NEDD4L: variants seen among roughly 807,000 people sequenced by gnomAD.
NEDD4L encodes the protein NEDD4 like E3 ubiquitin protein ligase.
NEDD4L carries 54 observed loss-of-function variants against 148.9 expected under a neutral mutation model. That is an observed-to-expected ratio of 0.36 (90% CI 0.29 to 0.45). NEDD4L has a LOEUF of 0.45. Among genes scored for constraint, NEDD4L ranks in the 20% least tolerant of loss-of-function variants. The pLI is 1.00. For synonymous variants in NEDD4L, 433 were observed against 440.7 expected (o/e 0.98, Z 0.22); for missense variants, 856 against 1,233.8 (o/e 0.69, Z 4.59).
chr18:58,317,230 C>T (rs2058368181), intron 6 of NEDD4L, among the ~76,000 whole-genome samples: 1 of 152,200 alleles, frequency 6.6e-6, no homozygotes, highest in Non-Finnish European at 1.5e-5. Flanking sequence ...GGGGCCTGCC[C>T]AGGGCTTCTG....
At chr18:58,125,725 A>T (rs112512537) in intron 1 of NEDD4L, among the ~76,000 whole-genome samples, 2,610 of 152,350 alleles carry the variant, frequency 0.017, 30 homozygotes, top group African/African-American at 0.026. Flanking sequence ...AAAACAGGTG[A>T]AATGAATTTT....
At chr18:58,136,503 G>A (rs898408392) in intron 1 of NEDD4L, among the ~76,000 whole-genome samples, 1 of 152,196 alleles carries the variant, frequency 6.6e-6, no homozygotes, top group African/African-American at 2.4e-5. Context: ...GATATGCGGG[G>A]AACCTGATGC....
chr18:58,233,537 C>T (rs539524203), intron 2 of NEDD4L, among the ~76,000 whole-genome samples: 5 of 152,340 alleles, frequency 3.3e-5, no homozygotes, highest in South Asian at 2.1e-4. Flanking sequence ...CACTGGGTCC[C>T]TCCCACAACA....
In NEDD4L at chr18:58,127,632, G is replaced by T. The variant is rs1291306510; in HGVS notation, c.49-38156G>T. ...AGGCAGGCGGATCACGAGGTCAGGAGATTGAGACCATCCTGGCCTAACACA... is the reference window on the plus strand; with the variant it reads ...AGGCAGGCGGATCACGAGGTCAGGATATTGAGACCATCCTGGCCTAACACA... On this transcript the variant is annotated intron_variant, in intron 1 of 30. Coordinates refer to ENST00000400345, the MANE Select transcript of NEDD4L (RefSeq NM_001144967.3). 2.0e-4 allele frequency among the ~76,000 whole-genome samples: 30 copies of T among 152,120 alleles called. 1 individual carries two copies. The highest frequency in any genetic ancestry group is 5.9e-5 in the Non-Finnish European group (4 of 67,986).
intron 1 of NEDD4L, among the ~76,000 whole-genome samples, chr18:58,072,047 T>A (rs2082896346): frequency 6.6e-6 from 1 of 152,126 alleles, no homozygotes; most frequent in Non-Finnish European, 1.5e-5. Flanking sequence ...TTATACAAAT[T>A]CATGTAGATG....
intron 2 of NEDD4L, among the ~76,000 whole-genome samples, chr18:58,218,792 G>A (rs150745456): frequency 6.6e-6 from 1 of 152,146 alleles, no homozygotes; most frequent in Non-Finnish European, 1.5e-5. Flanking sequence ...GGATTATCCC[G>A]ATATGTGCAT....
intron 1 of NEDD4L, among the ~76,000 whole-genome samples, chr18:58,079,386 C>G (rs2083323741): frequency 6.6e-6 from 1 of 152,178 alleles, no homozygotes; most frequent in African/African-American, 2.4e-5. Context: ...CATACGCTTC[C>G]TCAGTAATTT....
chr18:58,058,072 C>T (rs1344630674), intron 1 of NEDD4L, among the ~76,000 whole-genome samples: 1 of 152,212 alleles, frequency 6.6e-6, no homozygotes, highest in East Asian at 1.9e-4. Context: ...CTTTGGGAGG[C>T]TGAGGCAGGT....
rs181619831 is a variant in NEDD4L at position 58,204,157 on chromosome 18, G to A, written c.122+38296G>A. Among the ~76,000 whole-genome samples the A allele has an allele frequency of 1.2e-4, 18 of 152,174 alleles. No homozygotes were observed. The East Asian group carries it at 2.3e-3, about 20-fold the overall frequency. On this transcript the variant is annotated intron_variant, in intron 2 of 30. Coordinates refer to ENST00000400345, the MANE Select transcript of NEDD4L (RefSeq NM_001144967.3). ...GCCTGGCCAACATGGTGAGACCCCCGTCTCTACTAAAAGTACAAAAATTAC... is the reference window on the plus strand; with the variant it reads ...GCCTGGCCAACATGGTGAGACCCCCATCTCTACTAAAAGTACAAAAATTAC...
In NEDD4L at chr18:58,165,880, T is replaced by C. The variant is rs903349968; in HGVS notation, c.122+19T>C. The C allele has an allele frequency of 1.3e-6, 2 of 1,586,152 alleles. No individual in the cohort carries two copies. Among genetic ancestry groups the C allele is most frequent in the African/African-American group, 2.7e-5 (2 of 74,522 alleles). On this transcript the variant is annotated intron_variant, in intron 2 of 30. Coordinates refer to ENST00000400345, the MANE Select transcript of NEDD4L (RefSeq NM_001144967.3). The stretch of plus-strand genomic sequence containing the variant: ...GAGCCAGGTATGTTGGCTTTGTTTT[T>C]ATTTCTGTGGACTTCTGAAAAATTG...
chr18:58,165,137 C>T (rs76888487), intron 1 of NEDD4L, among the ~76,000 whole-genome samples: 15,711 of 152,074 alleles, frequency 0.1, 1,019 homozygotes, highest in Middle Eastern at 0.15. Context: ...ATATTCATGT[C>T]GGTATTTCAA....
chr18:58,067,950 A>AG (rs2082683541), intron 1 of NEDD4L, among the ~76,000 whole-genome samples: 1 of 152,068 alleles, frequency 6.6e-6, no homozygotes, highest in South Asian at 2.1e-4. Flanking sequence ...GTTTGGGAGA[A>AG]GGGGTACAGA....
At chr18:58,386,873 G>A (rs1385158344) in intron 26 of NEDD4L, among the ~76,000 whole-genome samples, 1 of 152,168 alleles carries the variant, frequency 6.6e-6, no homozygotes, top group African/African-American at 2.4e-5. Context: ...AGAAATCCCA[G>A]GAAGCAGATT....
chr18:58,233,044 G>A (rs2045442788), intron 2 of NEDD4L, among the ~76,000 whole-genome samples: 1 of 152,206 alleles, frequency 6.6e-6, no homozygotes, highest in African/African-American at 2.4e-5. Flanking sequence ...AGGTTTGTAG[G>A]AAATTGATTT....
intron 18 of NEDD4L, 62 bp from the exon 19 acceptor site, chr18:58,357,132 T>G: frequency 6.2e-6 from 9 of 1,449,374 alleles, no homozygotes; most frequent in East Asian, 4.8e-5. Context: ...CAAAACTTTC[T>G]TTACATAGAA....
At position 58,138,039 on chromosome 18, in the gene NEDD4L, G is replaced by A. The variant is rs2033052420; in HGVS notation, c.49-27749G>A. On this transcript the variant is annotated intron_variant, in intron 1 of 30. Coordinates refer to ENST00000400345, the MANE Select transcript of NEDD4L (RefSeq NM_001144967.3). ...CTGACCTGGGCAGGGCCCCGGGTCT[G>A]CCATCACCCAGCCCATGCTCTCCTG... 2.6e-5 allele frequency among the ~76,000 whole-genome samples: 4 copies of A among 152,312 alleles called. No homozygotes were observed. In the South Asian group the frequency reaches 8.3e-4, roughly 32 times the overall value.
intron 1 of NEDD4L, among the ~76,000 whole-genome samples, chr18:58,120,359 C>T (rs1350861583): frequency 6.6e-6 from 1 of 152,226 alleles, no homozygotes; most frequent in Non-Finnish European, 1.5e-5. Flanking sequence ...TTCTCCCTCC[C>T]TCTACGATGA....
At chr18:58,142,120 C>T (rs1248378059) in intron 1 of NEDD4L, among the ~76,000 whole-genome samples, 2 of 137,474 alleles carry the variant, frequency 1.5e-5, no homozygotes, top group South Asian at 2.4e-4. Flanking sequence ...GATCTGGGGT[C>T]ACTGCAAGCT....
At chr18:58,298,126 A>G (rs929617505) in intron 5 of NEDD4L, among the ~76,000 whole-genome samples, 6 of 152,358 alleles carry the variant, frequency 3.9e-5, no homozygotes, top group Admixed American at 2.6e-4. Context: ...TTACATTTAC[A>G]GTAGATGAAT....
Sources: allele counts gnomAD v4.1 joint callset (sites outside exome capture counted in the v4.1 genomes callset), GRCh38; gene constraint gnomAD v4.1.1; transcripts MANE v1.5; gene names NCBI Gene and HGNC (gene_info 2026-07-23, HGNC 2026-07-21).